Variants in FAM227B observed in about 807,000 individuals in gnomAD.
FAM227B encodes protein FAM227B.
FAM227B carries 88 observed loss-of-function variants against 73.8 expected under a neutral mutation model. That is an observed-to-expected ratio of 1.19 (90% CI 1.00 to 1.42). The LOEUF (loss-of-function observed/expected upper bound fraction) is 1.42. Ranked by LOEUF, FAM227B falls within the 40% of genes most tolerant of loss-of-function variation. FAM227B has a pLI of 0.00. For synonymous variants in FAM227B, 210 were observed against 190.5 expected (o/e 1.10, Z -0.84); for missense variants, 632 against 590.9 (o/e 1.07, Z -0.72).
chr15:49,430,815 G>A (rs1224878609), intron 11 of FAM227B, among the ~76,000 whole-genome samples: 1 of 151,778 alleles, frequency 6.6e-6, no homozygotes. Context: ...CCTCTCAATG[G>A]TCCCATCTCT....
At chr15:49,437,057 T>C (rs962615083) in intron 11 of FAM227B, among the ~76,000 whole-genome samples, 8 of 151,766 alleles carry the variant, frequency 5.3e-5, no homozygotes, top group African/African-American at 1.9e-4. Context: ...TTTAACTTGG[T>C]TGTATTTTAA....
At chr15:49,391,110 T>C (rs188470473) in intron 11 of FAM227B, among the ~76,000 whole-genome samples, 30 of 152,258 alleles carry the variant, frequency 2.0e-4, no homozygotes, top group African/African-American at 7.2e-4. Context: ...AATTATGTCC[T>C]TTATTTTAGA....
chr15:49,453,473 T>C (rs1409498480), intron 11 of FAM227B, among the ~76,000 whole-genome samples: 3 of 152,154 alleles, frequency 2.0e-5, no homozygotes, highest in Non-Finnish European at 4.4e-5. Context: ...ATCCAATGCA[T>C]GTTTTTCCTT....
chr15:49,565,317 G>T (rs2074563575), intron 9 of FAM227B, among the ~76,000 whole-genome samples: 1 of 150,542 alleles, frequency 6.6e-6, no homozygotes, highest in Admixed American at 6.6e-5. Context: ...GGGAGGCGGA[G>T]GTTGCAGTGA....
chr15:49,405,574 A>C (rs1406820837), intron 11 of FAM227B, among the ~76,000 whole-genome samples: 1 of 152,144 alleles, frequency 6.6e-6, no homozygotes, highest in East Asian at 1.9e-4. Flanking sequence ...ACATTGTAAA[A>C]TTATTGTAGC....
chr15:49,365,842 C>T (rs565647102), intron 13 of FAM227B: 50 of 887,018 alleles, frequency 5.6e-5, no homozygotes, highest in Middle Eastern at 3.3e-4. Context: ...GCTTTTGCCG[C>T]GACACTCAAT....
intron 10 of FAM227B, among the ~76,000 whole-genome samples, chr15:49,536,072 C>CACAAAAAA (rs2070196939): frequency 8.8e-6 from 1 of 114,012 alleles, no homozygotes; most frequent in African/African-American, 3.3e-5. Flanking sequence ...GGCAATCAGA[C>CACAAAAAA]AAAAAAAAAA....
At position 49,489,822 on chromosome 15, in the gene FAM227B, T is replaced by TTA. The variant is rs1178397654; in HGVS notation, c.1012+18387_1012+18388dup. ...TATATTTTATATATATATATATATT[T>TTA]TATATATATATATATATTTTATATA... On this transcript the variant is annotated intron_variant, in intron 11 of 15. Transcript: ENST00000299338. 5.8e-3 allele frequency among the ~76,000 whole-genome samples: 186 copies of TTA among 32,328 alleles called. 9 individuals are homozygous for TTA. The highest frequency in any genetic ancestry group is 8.8e-3 in the African/African-American group (71 of 8,072). 21.2% of individuals were successfully genotyped at this position (32,328 alleles called of 152,430 possible).
chr15:49,519,941 AT>A (rs1213597091), intron 10 of FAM227B, among the ~76,000 whole-genome samples: 1 of 152,124 alleles, frequency 6.6e-6, no homozygotes, highest in Non-Finnish European at 1.5e-5. Flanking sequence ...TTAAACATAA[AT>A]TCCAATTCCA....
At chr15:49,592,690 G>C (rs1453605298) in intron 3 of FAM227B, among the ~76,000 whole-genome samples, 1 of 152,218 alleles carries the variant, frequency 6.6e-6, no homozygotes, top group African/African-American at 2.4e-5. Flanking sequence ...GAGATCAAAT[G>C]CCATGCTGGG....
intron 11 of FAM227B, among the ~76,000 whole-genome samples, chr15:49,455,268 T>C (rs1016579395): frequency 6.6e-6 from 1 of 152,184 alleles, no homozygotes; most frequent in Non-Finnish European, 1.5e-5. Context: ...AAAGCGGCCA[T>C]GGTATCCCTA....
At chr15:49,543,178 TG>T (rs1433173723) in intron 9 of FAM227B, among the ~76,000 whole-genome samples, 1 of 152,172 alleles carries the variant, frequency 6.6e-6, no homozygotes. Context: ...ATATTATTTT[TG>T]GATTTTTTAC....
chr15:49,594,543 CG>C (rs1296538940), intron 3 of FAM227B, among the ~76,000 whole-genome samples: 2 of 151,996 alleles, frequency 1.3e-5, no homozygotes, highest in Non-Finnish European at 2.9e-5. Context: ...ATCTTCAGAT[CG>C]TTATGGTTTC....
At chr15:49,460,718 C>T (rs186887003) in intron 11 of FAM227B, among the ~76,000 whole-genome samples, 1 of 152,236 alleles carries the variant, frequency 6.6e-6, no homozygotes, top group Non-Finnish European at 1.5e-5. Flanking sequence ...ATTAAACAAT[C>T]TAAAACCCCT....
intron 10 of FAM227B, among the ~76,000 whole-genome samples, chr15:49,517,369 T>C (rs2059444908): frequency 6.6e-6 from 1 of 152,210 alleles, no homozygotes. Context: ...TCTAGTATTT[T>C]AGATCTATAA....
At chr15:49,588,492 A>T (rs996955517) in intron 4 of FAM227B, among the ~76,000 whole-genome samples, 199 of 141,786 alleles carry the variant, frequency 1.4e-3, no homozygotes, top group African/African-American at 4.9e-3. Context: ...GGGGCTCTGA[A>T]GTCAGATAAC....
chr15:49,500,564 A>G (rs990153416), intron 11 of FAM227B, among the ~76,000 whole-genome samples: 2 of 152,260 alleles, frequency 1.3e-5, no homozygotes, highest in East Asian at 3.8e-4. Context: ...ATACCAGTAT[A>G]TAACTCACGA....
chr15:49,333,362 A>C (rs1354191290), intron 14 of FAM227B, among the ~76,000 whole-genome samples: 2 of 152,202 alleles, frequency 1.3e-5, no homozygotes, highest in Non-Finnish European at 2.9e-5. Context: ...AGATTTATAT[A>C]TCCAAATATG....
intron 11 of FAM227B, among the ~76,000 whole-genome samples, chr15:49,503,579 GA>G (rs1242289050): frequency 6.6e-6 from 1 of 151,942 alleles, no homozygotes; most frequent in Non-Finnish European, 1.5e-5. Flanking sequence ...AAATTTACAA[GA>G]AAAAAACAAA....
Sources: allele counts gnomAD v4.1 joint callset (sites outside exome capture counted in the v4.1 genomes callset), GRCh38; gene constraint gnomAD v4.1.1; transcripts MANE v1.5; gene names NCBI Gene and HGNC (gene_info 2026-07-23, HGNC 2026-07-21).